RHBDF1: variants seen among roughly 807,000 people sequenced by gnomAD.
RHBDF1 encodes the protein rhomboid 5 homolog 1.
In RHBDF1, 80 loss-of-function variants were observed where a neutral mutation model predicts 98.6. The ratio of observed to expected loss-of-function variants is 0.81; its 90% confidence interval spans 0.68 to 0.98. The LOEUF (loss-of-function observed/expected upper bound fraction) is 0.98. Among genes scored for constraint, RHBDF1 ranks in the 50% least tolerant of loss-of-function variants. RHBDF1 has a pLI of 0.00. For synonymous variants in RHBDF1, 512 were observed against 486.8 expected (o/e 1.05, Z -0.68); for missense variants, 1,116 against 1,198.3 (o/e 0.93, Z 1.01).
chr16:64,021 C>A, intron 3 of RHBDF1: 1 of 706,318 alleles, frequency 1.4e-6, no homozygotes, highest in Non-Finnish European at 2.6e-6. Context: ...CTGGCCTTGC[C>A]CGGTTGAGTG....
chr16:61,197 C>CCGA lies in RHBDF1; in HGVS notation c.1479_1480insTCG (p.Arg493_Glu494insSer). 5 of 1,543,770 alleles carry CCGA rather than the reference C, an allele frequency of 3.2e-6. No individual in the cohort carries two copies. Among genetic ancestry groups the CCGA allele is most frequent in the Non-Finnish European group, 4.4e-6 (5 of 1,145,582 alleles). On this transcript the variant is annotated inframe_insertion, in exon 11 of 18. Coordinates refer to ENST00000262316, the MANE Select transcript of RHBDF1 (RefSeq NM_022450.5). ...CAGCAGGCGGAGTGCTTCTCGCGCT[C>CCGA]GCGCGCCGAGCGAATGAAGCTGTGC... is the stretch of plus-strand genomic sequence containing the variant.
rs752478704 is a variant in RHBDF1 at position 59,281 on chromosome 16, G to A, written c.1962C>T (p.Tyr654=). ...FLNPEVPDQF[Y]RLWLSLFLHA... is the part of the protein sequence containing the mutation. The stretch of plus-strand genomic sequence containing the variant: ...GCAGGAAGAGGGATAGCCACAGGCG[G>A]TAGAACTGGTCAGGCACCTCGGGGT... Residue 654 remains tyrosine, a synonymous_variant, in exon 16 of 18, where the codon TAC becomes TAT. Transcript: ENST00000262316. 1.2e-6 allele frequency: 2 copies of A among 1,610,372 alleles called. No homozygotes were observed. Among genetic ancestry groups the A allele is most frequent in the East Asian group, 4.5e-5 (2 of 44,854 alleles).
At chr16:62,312 G>T in intron 7 of RHBDF1, 1 of 737,522 alleles carries the variant, frequency 1.4e-6, no homozygotes, top group Non-Finnish European at 2.2e-6. Context: ...ATTCTGCCCA[G>T]CCCCTGGGTT....
In RHBDF1 at chr16:61,474, A is replaced by G. The variant is rs775492486; in HGVS notation, c.1321-15T>C. On this transcript the variant is annotated splice_polypyrimidine_tract_variant and intron_variant, in intron 9 of 17. Transcript: ENST00000262316. ...TTCCGCAGCACCTGGGAGGTTGGGGAGCGGGATCAGACGGGCCCCGACTCT... is the reference window on the plus strand; with the variant it reads ...TTCCGCAGCACCTGGGAGGTTGGGGGGCGGGATCAGACGGGCCCCGACTCT... 6.2e-7 allele frequency: 1 copy of G among 1,612,158 alleles called. No homozygotes were observed. The highest frequency in any genetic ancestry group is 1.1e-5 in the South Asian group (1 of 91,022).
chr16:72,322 G>C (rs1394019546), intron 1 of RHBDF1, among the ~76,000 whole-genome samples, 191 bp downstream of exon 1: 2 of 152,052 alleles, frequency 1.3e-5, no homozygotes, highest in East Asian at 3.9e-4. Flanking sequence ...GGAAACTCCA[G>C]GAAGAAAAGC....
upstream of RHBDF1, among the ~76,000 whole-genome samples, chr16:73,123 C>A (rs892270258): frequency 6.6e-6 from 1 of 152,332 alleles, no homozygotes; most frequent in African/African-American, 2.4e-5. Context: ...ATCATACACA[C>A]ACGTCCCCAC....
Position 62,045 on chromosome 16 carries a change from C to T in RHBDF1, c.961G>A (p.Glu321Lys). 1 of 1,488,372 alleles carries T rather than the reference C, an allele frequency of 6.7e-7. No homozygotes were observed. Among genetic ancestry groups the T allele is most frequent in the Non-Finnish European group, 8.9e-7 (1 of 1,123,144 alleles). The allele number at this position is 1,488,372 out of a possible 1,614,324, so 92.2% of individuals were successfully genotyped here. A position where few individuals can be genotyped will look rare whatever the true frequency, so the allele number is the denominator to read the frequency against. The change falls in exon 8 of 18, where the codon GAG (glutamate) becomes AAG (lysine). Residue 321 changes from glutamate (E) to lysine (K), a missense_variant. Glu to Lys is a moderately conservative substitution (Grantham distance 56). Coordinates refer to ENST00000262316, the MANE Select transcript of RHBDF1 (RefSeq NM_022450.5). ...TCCTTCTGCTTCCGCCAGCCTCGCTCCAAGGGCCTGGAGGGAGCCGGCATT... is the reference window on the plus strand; with the variant it reads ...TCCTTCTGCTTCCGCCAGCCTCGCTTCAAGGGCCTGGAGGGAGCCGGCATT... ...LERSHLMLPLERGWRKQKEGA... is the reference protein window; with the variant it reads ...LERSHLMLPLKRGWRKQKEGA...
intron 3 of RHBDF1, 23 bp from the exon 4 acceptor site, chr16:63,823 AG>A: frequency 1.2e-6 from 2 of 1,605,128 alleles, no homozygotes; most frequent in Non-Finnish European, 1.7e-6. Flanking sequence ...GGACTCAGCA[AG>A]GGGCGGCCAG....
In RHBDF1 at chr16:62,889, G is replaced by A. The variant is rs765176825; in HGVS notation, c.681C>T (p.Ser227=). The A allele has an allele frequency of 6.2e-6, 10 of 1,613,834 alleles. No individual in the cohort carries two copies. The highest frequency in any genetic ancestry group is 8.5e-6 in the Non-Finnish European group (10 of 1,179,956). The change falls in exon 6 of 18, where the codon TCC becomes TCT. Residue 227 remains serine, a synonymous_variant. Coordinates refer to ENST00000262316, the MANE Select transcript of RHBDF1 (RefSeq NM_022450.5). ...CCCGGCGAAAGGTGCCATCCCTAACGGAGCGGCCCTGGGGACGGGGAAGTG... is the reference window on the plus strand; with the variant it reads ...CCCGGCGAAAGGTGCCATCCCTAACAGAGCGGCCCTGGGGACGGGGAAGTG... ...RAAAALMKGR[S]VRDGTFRRAQ...
In RHBDF1 at chr16:62,129, C is replaced by T. The variant is rs1897656378; in HGVS notation, c.954-77G>A. Reference sequence around the variant, plus strand: ...TCCCTCCCCGGGGGGCACCAGGGCACCCTGTCTCTATCCTGGCGAATATAC... The same window carrying T: ...TCCCTCCCCGGGGGGCACCAGGGCATCCTGTCTCTATCCTGGCGAATATAC... On this transcript the variant is annotated intron_variant, in intron 7 of 17. Transcript: ENST00000262316. 3 of 1,426,114 alleles carry T rather than the reference C, an allele frequency of 2.1e-6. No homozygotes were observed. The South Asian group carries it at 4.5e-5, about 21-fold the overall frequency. 88.3% of individuals were successfully genotyped at this position (1,426,114 alleles called of 1,614,324 possible).
In RHBDF1 at chr16:64,963, G is replaced by T; in HGVS notation, c.53C>A (p.Pro18His). The stretch of plus-strand genomic sequence containing the variant: ...AGAGGGAATGTCCAGCTTTAGCCAG[G>T]GTGGCTTCTTGCGCTGCAGGCTGCT... ...STSSLQRKKP[P>H]WLKLDIPSAV... Residue 18 changes from proline to histidine, a missense_variant, in exon 2 of 18, where the codon CCC becomes CAC. By Grantham distance (77) the Pro-to-His change is moderately conservative. Coordinates refer to ENST00000262316, the MANE Select transcript of RHBDF1 (RefSeq NM_022450.5). 6.4e-7 allele frequency: 1 copy of T among 1,566,432 alleles called. No homozygotes were observed.
chr16:60,681 G>A, intron 11 of RHBDF1, 142 bp from the exon 12 acceptor site: 1 of 615,444 alleles, frequency 1.6e-6, no homozygotes, highest in East Asian at 2.8e-5. Context: ...GCACGTGCAT[G>A]TTGGAAAAGA....
intron 1 of RHBDF1, among the ~76,000 whole-genome samples, chr16:68,511 C>T (rs761593944): frequency 3.3e-5 from 5 of 152,212 alleles, no homozygotes; most frequent in Non-Finnish European, 7.3e-5. Flanking sequence ...CCGCTGACCC[C>T]TCAGTGTATG....
intron 7 of RHBDF1, 134 bp from the exon 8 acceptor site, chr16:62,186 T>A: frequency 7.7e-7 from 1 of 1,292,872 alleles, no homozygotes; most frequent in Non-Finnish European, 1.0e-6. Context: ...GCCTTCTCCT[T>A]GCCAGTAAAA....
intron 1 of RHBDF1, among the ~76,000 whole-genome samples, chr16:69,695 AATG>A (rs1002288453): frequency 3.7e-4 from 56 of 152,270 alleles, no homozygotes; most frequent in African/African-American, 1.3e-3. Context: ...TCATGCTGAG[AATG>A]ATATTTGCTA....
intron 11 of RHBDF1, 73 bp from the exon 12 acceptor site, chr16:60,612 G>T: frequency 8.7e-7 from 1 of 1,142,966 alleles, no homozygotes; most frequent in Non-Finnish European, 1.3e-6. Context: ...GTCAGGAGTC[G>T]AAGGCAAAAC....
rs1191655212 is a variant in RHBDF1 at position 60,261 on chromosome 16, G to A, written c.1677C>T (p.Ser559=). The A allele has an allele frequency of 6.2e-7, 1 of 1,613,960 alleles. No individual in the cohort carries two copies. The highest frequency in any genetic ancestry group is 2.2e-5 in the East Asian group (1 of 44,894). ...CTGGCCACTCATGAGGGTCTTCGGAGGAGGGCTCATCACACACCCTGCATG... is the reference window on the plus strand; with the variant it reads ...CTGGCCACTCATGAGGGTCTTCGGAAGAGGGCTCATCACACACCCTGCATG... The part of the protein sequence containing the change: ...HQDPRVCDEP[S]SEDPHEWPED... The change falls in exon 13 of 18, where the codon TCC becomes TCT. Residue 559 remains serine, a synonymous_variant. Coordinates refer to ENST00000262316, the MANE Select transcript of RHBDF1 (RefSeq NM_022450.5).
At position 61,664 on chromosome 16, in the gene RHBDF1, T is replaced by G; in HGVS notation, c.1241A>C (p.His414Pro). Residue 414 changes from histidine to proline, a missense_variant, in exon 9 of 18, where the codon CAC becomes CCC. By Grantham distance (77) the His-to-Pro change is moderately conservative (BLOSUM62 -2). Coordinates refer to ENST00000262316, the MANE Select transcript of RHBDF1 (RefSeq NM_022450.5). ...PFFTYWLTFV[H>P]SLVTILAVCI... ...CACGGCTAGGATGGTGACGAGCGAGTGCACGAAGGTAAGCCAGTAGGTGAA... is the reference window on the plus strand; with the variant it reads ...CACGGCTAGGATGGTGACGAGCGAGGGCACGAAGGTAAGCCAGTAGGTGAA... The G allele has an allele frequency of 6.2e-7, 1 of 1,613,180 alleles. No homozygotes were observed. The highest frequency in any genetic ancestry group is 8.5e-7 in the Non-Finnish European group (1 of 1,179,874).
At position 72,587 on chromosome 16, in the gene RHBDF1, CGCCGAGT is replaced by C. The variant is rs1898006655; in HGVS notation, c.-106_-100del. The C allele has an allele frequency of 1.3e-5, 13 of 978,638 alleles. No individual in the cohort carries two copies. The highest frequency in any genetic ancestry group is 3.5e-5 in the African/African-American group (2 of 56,706). 60.6% of individuals were successfully genotyped at this position (978,638 alleles called of 1,614,324 possible). Reference sequence around the variant, plus strand: ...TGCCGCCGCTGGCCGGGAGGGCCCGCGCCGAGTCCCCGCCCGCCCGCCGGTCCGGCCC... The same window carrying C: ...TGCCGCCGCTGGCCGGGAGGGCCCGCCCCCGCCCGCCCGCCGGTCCGGCCC... On this transcript the variant is annotated 5_prime_UTR_variant, in exon 1 of 18. Coordinates refer to ENST00000262316, the MANE Select transcript of RHBDF1 (RefSeq NM_022450.5).
Sources: gnomAD v4.1 joint callset for allele counts (sites outside exome capture counted in the v4.1 genomes callset) on GRCh38, gnomAD v4.1.1 for gene constraint, MANE v1.5 for transcripts, NCBI Gene and HGNC (gene_info 2026-07-23, HGNC 2026-07-21) for gene names.